The following DTNB variants were observed in gnomAD, a reference collection of about 807,000 sequenced individuals.
DTNB encodes dystrobrevin beta, also known as DTN-B.
A neutral mutation model predicts 90.7 loss-of-function variants in DTNB; 63 were observed. The observed-to-expected ratio is 0.69, with a 90% CI of 0.57 to 0.86. DTNB has a LOEUF of 0.86. Ranked by LOEUF, DTNB falls within the 40% of genes least tolerant of loss-of-function variation. DTNB has a pLI of 0.00. For missense variants in DTNB, 744 were observed against 807.1 expected (o/e 0.92, Z 0.95); for synonymous variants, 277 against 286.7 (o/e 0.97, Z 0.34).
At chr2:25,379,416 A>G in intron 19 of DTNB, 93 bp from the exon 20 acceptor site, 1 of 1,261,876 alleles carries the variant, frequency 7.9e-7, no homozygotes. Flanking sequence ...TGACCAACCC[A>G]CCCCAGGGGC....
At chr2:25,448,971 G>A (rs553072990) in intron 12 of DTNB, among the ~76,000 whole-genome samples, 61 of 151,186 alleles carry the variant, frequency 4.0e-4, no homozygotes, top group Non-Finnish European at 7.7e-4. Flanking sequence ...AAGTTTCCTC[G>A]TCTCTCTTCA....
intron 8 of DTNB, among the ~76,000 whole-genome samples, chr2:25,561,528 A>G (rs983647747): frequency 6.6e-6 from 1 of 152,190 alleles, no homozygotes; most frequent in Non-Finnish European, 1.5e-5. Flanking sequence ...TCCAAATCTC[A>G]TGTTGAAATG....
At chr2:25,467,745 T>C (rs1410885370) in intron 10 of DTNB, among the ~76,000 whole-genome samples, 1 of 152,208 alleles carries the variant, frequency 6.6e-6, no homozygotes, top group African/African-American at 2.4e-5. Context: ...CTCTTCTTTT[T>C]AACATCCTTA....
At chr2:25,660,689 A>C (rs536542940) in intron 1 of DTNB, among the ~76,000 whole-genome samples, 9 of 151,944 alleles carry the variant, frequency 5.9e-5, no homozygotes, top group Non-Finnish European at 1.0e-4. Context: ...CCTGTTGTTC[A>C]TTTTTTTTAA....
chr2:25,556,009 G>A (rs2057284299), intron 8 of DTNB, among the ~76,000 whole-genome samples: 1 of 152,000 alleles, frequency 6.6e-6, no homozygotes, highest in Non-Finnish European at 1.5e-5. Flanking sequence ...AACAGAGTGA[G>A]ATTAAGTCTC....
intron 5 of DTNB, among the ~76,000 whole-genome samples, chr2:25,606,349 C>T (rs2067101291): frequency 6.6e-6 from 1 of 152,180 alleles, no homozygotes; most frequent in South Asian, 2.1e-4. Flanking sequence ...CTTTATGGCA[C>T]TCTGAACACT....
intron 12 of DTNB, among the ~76,000 whole-genome samples, chr2:25,438,164 G>A (rs143079426): frequency 1.3e-5 from 2 of 152,212 alleles, no homozygotes; most frequent in East Asian, 3.9e-4. Context: ...AGGAAGCTGT[G>A]GTAAGAGCGA....
chr2:25,502,383 C>T (rs1442034006), intron 9 of DTNB, among the ~76,000 whole-genome samples: 1 of 152,068 alleles, frequency 6.6e-6, no homozygotes, highest in East Asian at 1.9e-4. Flanking sequence ...GTGAAACCAT[C>T]ATTTAAGACT....
chr2:25,503,176 C>T (rs2071288584), intron 9 of DTNB, among the ~76,000 whole-genome samples: 4 of 143,696 alleles, frequency 2.8e-5, no homozygotes, highest in Admixed American at 1.5e-4. Flanking sequence ...ACACAGAAAA[C>T]TCTAAAGAGT....
chr2:25,467,545 C>T (rs2150265728), intron 10 of DTNB, among the ~76,000 whole-genome samples: 1 of 152,156 alleles, frequency 6.6e-6, no homozygotes, highest in Non-Finnish European at 1.5e-5. Flanking sequence ...CTCAAGTGAT[C>T]CTCCCACCCT....
intron 16 of DTNB, among the ~76,000 whole-genome samples, chr2:25,401,581 T>G (rs2043726724): frequency 6.6e-6 from 1 of 152,234 alleles, no homozygotes; most frequent in Non-Finnish European, 1.5e-5. Context: ...GCCTGGCACT[T>G]AGTAGGGGCT....
chr2:25,670,809 C>G (rs1311636121), intron 1 of DTNB, among the ~76,000 whole-genome samples: 1 of 152,218 alleles, frequency 6.6e-6, no homozygotes, highest in Non-Finnish European at 1.5e-5. Context: ...ACAAAGTATA[C>G]AGCAGTCTCC....
chr2:25,412,231 G>C (rs932325934), intron 16 of DTNB, among the ~76,000 whole-genome samples: 1 of 152,140 alleles, frequency 6.6e-6, no homozygotes, highest in Non-Finnish European at 1.5e-5. Context: ...GATCAGAAAG[G>C]GGGGCTTCCT....
chr2:25,385,729 A>G (rs1172639286), intron 18 of DTNB, among the ~76,000 whole-genome samples: 1 of 152,208 alleles, frequency 6.6e-6, no homozygotes, highest in Non-Finnish European at 1.5e-5. Flanking sequence ...ATTACACTAC[A>G]TAATTTTGTT....
At chr2:25,535,470 GCGCTCCCCACTTCCTCC>G (rs1448633419) in intron 8 of DTNB, among the ~76,000 whole-genome samples, 1 of 147,208 alleles carries the variant, frequency 6.8e-6, no homozygotes, top group East Asian at 2.1e-4. Flanking sequence ...CCAGGCAGAG[GCGCTCCCCACTTCCTCC>G]CAGACAGGGT....
rs1471611076 is a variant in DTNB, at chr2:25,527,026, A to G, written c.1001+4447T>C. On this transcript the variant is annotated intron_variant, in intron 9 of 20. Transcript: ENST00000406818. Reference sequence around the variant, plus strand: ...GAAAACCTCTATATGTTTGGAAATTAAGAAAGTATACTTCTCAAAGAAGAA... The same window carrying G: ...GAAAACCTCTATATGTTTGGAAATTGAGAAAGTATACTTCTCAAAGAAGAA... Among the ~76,000 whole-genome samples, 7 of 152,324 alleles carry G rather than the reference A, an allele frequency of 4.6e-5. No homozygotes were observed. In the South Asian group the frequency reaches 8.3e-4, roughly 18 times the overall value.
At chr2:25,487,759 T>A (rs749935949) in intron 9 of DTNB, among the ~76,000 whole-genome samples, 1 of 152,134 alleles carries the variant, frequency 6.6e-6, no homozygotes, top group Non-Finnish European at 1.5e-5. Flanking sequence ...CAAAAATACA[T>A]GAGAAACTGG....
At chr2:25,586,097 A>C (rs1190583166) in intron 6 of DTNB, among the ~76,000 whole-genome samples, 3 of 152,240 alleles carry the variant, frequency 2.0e-5, no homozygotes, top group Non-Finnish European at 4.4e-5. Context: ...CCTTTGAAAA[A>C]ATCATGGAAT....
At position 25,407,749 on chromosome 2, in the gene DTNB, T is replaced by A. The variant is rs566347073; in HGVS notation, c.1575+11766A>T. Among the ~76,000 whole-genome samples the A allele has an allele frequency of 1.3e-3, 195 of 152,174 alleles. 2 individuals carry two copies. Among genetic ancestry groups the A allele is most frequent in the African/African-American group, 4.7e-3 (194 of 41,518 alleles). On this transcript the variant is annotated intron_variant, in intron 16 of 20. Coordinates refer to ENST00000406818, the MANE Select transcript of DTNB (RefSeq NM_021907.5). ...GTATGTAAAAACACACAGAGTGATA[T>A]AATGGACTATGGAGCCTCAGAAGGG... is the stretch of plus-strand genomic sequence containing the variant.
Sources: gnomAD v4.1 joint callset for allele counts (sites outside exome capture counted in the v4.1 genomes callset) on GRCh38, gnomAD v4.1.1 for gene constraint, MANE v1.5 for transcripts, NCBI Gene and HGNC (gene_info 2026-07-23, HGNC 2026-07-21) for gene names.